The following SNAPC3 variants were observed in gnomAD, a reference collection of about 807,000 sequenced individuals.
SNAPC3 encodes the protein small nuclear RNA activating complex polypeptide 3.
SNAPC3 carries 56 observed loss-of-function variants against 47.7 expected under a neutral mutation model. The observed-to-expected ratio is 1.18, with a 90% CI of 0.95 to 1.47. The LOEUF (loss-of-function observed/expected upper bound fraction) is 1.47, where lower values mean the gene tolerates loss of function less well. SNAPC3 is among the 40% of genes most tolerant of loss of function. The pLI, the probability that SNAPC3 is intolerant of heterozygous loss-of-function variation, is 0.00. For synonymous variants in SNAPC3, 235 were observed against 189.9 expected, an observed-to-expected ratio of 1.24 and a Z score of -1.95; for missense variants, 665 against 511.3, an observed-to-expected ratio of 1.30 and a Z score of -2.90.
At chr9:15,465,891 A>C (rs917902986), downstream of SNAPC3, 5 of 261,978 alleles carry the variant, frequency 1.9e-5, no homozygotes, top group Non-Finnish European at 2.9e-5. Context: ...GAACATGAGA[A>C]TGTTTTATAT....
rs1312740255 is a variant in SNAPC3 at position 15,441,042 on chromosome 9, C to A, written c.478-3560C>A. 2.0e-5 allele frequency among the ~76,000 whole-genome samples: 3 copies of A among 151,796 alleles called. No homozygotes were observed. The East Asian group carries it at 5.8e-4, about 29-fold the overall frequency. ...CTCCATGTTTTCTGATGAGAAAACT[C>A]CTGTTAATCTTATTGAGGAATCTGA... On this transcript the variant is annotated intron_variant, in intron 3 of 8. Coordinates refer to ENST00000380821, the MANE Select transcript of SNAPC3 (RefSeq NM_001039697.2).
Position 15,451,362 on chromosome 9 carries a change from T to C in SNAPC3, c.775T>C (p.Tyr259His). The C allele has an allele frequency of 6.4e-7, 1 of 1,555,478 alleles. No individual in the cohort carries two copies. The highest frequency in any genetic ancestry group is 8.8e-7 in the Non-Finnish European group (1 of 1,136,038). ...SAFFYFEGTF[Y>H]NDKRYPECRD... ...CTTCTTTTATTTTGAAGGAACATTTTATAATGATAAAAGATACCCAGAATG... is the reference window on the plus strand; with the variant it reads ...CTTCTTTTATTTTGAAGGAACATTTCATAATGATAAAAGATACCCAGAATG... The change falls in exon 6 of 9, where the codon TAT becomes CAT. Residue 259 changes from tyrosine to histidine, a missense_variant. Tyr to His is a moderately conservative substitution (Grantham distance 83, BLOSUM62 2). Coordinates refer to ENST00000380821, the MANE Select transcript of SNAPC3 (RefSeq NM_001039697.2).
intron 2 of SNAPC3, among the ~76,000 whole-genome samples, chr9:15,425,109 TATC>T (rs2031185152): frequency 6.6e-6 from 1 of 152,348 alleles, no homozygotes; most frequent in African/African-American, 2.4e-5. Flanking sequence ...CTTCCACATA[TATC>T]CCAAATTTGC....
intron 5 of SNAPC3, 57 bp from the exon 6 acceptor site, chr9:15,451,263 G>A (rs2034363302): frequency 1.5e-6 from 1 of 685,002 alleles, no homozygotes; most frequent in Non-Finnish European, 2.5e-6. Flanking sequence ...AATACTTAGA[G>A]CAATTTCATC....
chr9:15,459,898 T>C lies in SNAPC3; in HGVS notation c.*32T>C. The C allele has an allele frequency of 1.3e-6, 2 of 1,587,228 alleles. No homozygotes were observed. Among genetic ancestry groups the C allele is most frequent in the Non-Finnish European group, 1.7e-6 (2 of 1,161,778 alleles). On this transcript the variant is annotated 3_prime_UTR_variant, in exon 9 of 9. Coordinates refer to ENST00000380821, the MANE Select transcript of SNAPC3 (RefSeq NM_001039697.2). ...CTACACTCACAAAAATACCCCCTCA[T>C]GAAATAACTGTTCTCTTGGATGGTT...
intron 2 of SNAPC3, among the ~76,000 whole-genome samples, chr9:15,425,389 T>A (rs2031232309): frequency 6.6e-6 from 1 of 152,126 alleles, no homozygotes; most frequent in Admixed American, 6.5e-5. Flanking sequence ...GCCTAACTTT[T>A]TTGCATTTTT....
At chr9:15,448,091 G>A (rs551053005) in intron 5 of SNAPC3, among the ~76,000 whole-genome samples, 20 of 152,154 alleles carry the variant, frequency 1.3e-4, no homozygotes, top group Non-Finnish European at 2.1e-4. Context: ...TCAGGGGAGG[G>A]ATAGCATCTC....
intron 7 of SNAPC3, among the ~76,000 whole-genome samples, chr9:15,455,594 C>G (rs2034719347): frequency 6.6e-6 from 1 of 152,074 alleles, no homozygotes; most frequent in South Asian, 2.1e-4. Context: ...ATAAGCTGTT[C>G]TGCCTGCTCT....
intron 5 of SNAPC3, among the ~76,000 whole-genome samples, chr9:15,449,485 A>T (rs1218550244): frequency 3.4e-5 from 5 of 147,012 alleles, no homozygotes; most frequent in African/African-American, 7.5e-5. Context: ...ATTGTATTTT[A>T]AAATGTTTAC....
At position 15,457,996 on chromosome 9, in the gene SNAPC3, G is replaced by T. The variant is rs746640657; in HGVS notation, c.1017G>T (p.Leu339Phe). 1 of 1,596,968 alleles carries T rather than the reference G, an allele frequency of 6.3e-7. No homozygotes were observed. Among genetic ancestry groups the T allele is most frequent in the South Asian group, 1.1e-5 (1 of 87,138 alleles). Residue 339 changes from leucine to phenylalanine, a missense_variant, in exon 8 of 9, where the codon TTG (leucine) becomes TTT (phenylalanine). Physicochemically the swap from Leu to Phe is conservative, Grantham distance 22. Coordinates refer to ENST00000380821, the MANE Select transcript of SNAPC3 (RefSeq NM_001039697.2). Reference protein sequence around the residue: ...VHHDDCLDRTLYPLLIKKHWL... With the variant: ...VHHDDCLDRTFYPLLIKKHWL... The stretch of plus-strand genomic sequence containing the variant: ...ATGATGACTGCTTGGATAGGACATT[G>T]TATCCCCTCCTTATCAAGAAGCATT...
Position 15,453,217 on chromosome 9 carries a change from C to A in SNAPC3, c.980+12C>A, listed in dbSNP as rs200063794. On this transcript the variant is annotated intron_variant, in intron 7 of 8. Coordinates refer to ENST00000380821, the MANE Select transcript of SNAPC3 (RefSeq NM_001039697.2). ...ATTACTGACATAAGGTAGGTGACAGCACTTAAGACATTTTGTTACCTTTTT... is the reference window on the plus strand; with the variant it reads ...ATTACTGACATAAGGTAGGTGACAGAACTTAAGACATTTTGTTACCTTTTT... The A allele has an allele frequency of 2.0e-3, 3,072 of 1,567,804 alleles. 9 individuals are homozygous for A. Among genetic ancestry groups the A allele is most frequent in the Middle Eastern group, 4.4e-3 (26 of 5,882 alleles).
At chr9:15,453,483 G>T (rs1481838240) in intron 7 of SNAPC3, 5 of 253,304 alleles carry the variant, frequency 2.0e-5, no homozygotes, top group Non-Finnish European at 3.0e-5. Flanking sequence ...TCTCTATTTT[G>T]TATTAAATAG....
chr9:15,441,649 C>T (rs535913138), intron 3 of SNAPC3, among the ~76,000 whole-genome samples: 4 of 152,004 alleles, frequency 2.6e-5, no homozygotes, highest in African/African-American at 7.2e-5. Context: ...CATCTTGCAC[C>T]GCCCTTAATC....
At chr9:15,435,728 TAAA>T (rs566806035) in intron 3 of SNAPC3, among the ~76,000 whole-genome samples, 2 of 123,606 alleles carry the variant, frequency 1.6e-5, no homozygotes, top group African/African-American at 2.9e-5. Flanking sequence ...AAACTCTGTC[TAAA>T]AAAAAAAAAA....
downstream of SNAPC3, chr9:15,465,758 G>A: frequency 1.9e-6 from 1 of 529,286 alleles, no homozygotes. Context: ...CTTCAAAACT[G>A]TTATTTTACC....
downstream of SNAPC3, chr9:15,463,441 C>T (rs1471450478): frequency 7.2e-6 from 1 of 139,422 alleles, no homozygotes; most frequent in South Asian, 2.3e-4. Flanking sequence ...CATACACACA[C>T]ATACCAGCCC....
chr9:15,429,707 GA>G (rs2031892546), intron 2 of SNAPC3, among the ~76,000 whole-genome samples: 1 of 152,108 alleles, frequency 6.6e-6, no homozygotes, highest in Admixed American at 6.6e-5. Context: ...ATTTCATAAT[GA>G]AAAACAGCTA....
At chr9:15,451,444 A>G (rs775027448) in intron 6 of SNAPC3, 42 bp downstream of exon 6, 9 of 913,292 alleles carry the variant, frequency 9.9e-6, no homozygotes, top group Non-Finnish European at 1.5e-5. Context: ...TCCTATTTCT[A>G]GTTATCAAAG....
Position 15,459,992 on chromosome 9 carries a change from A to G in SNAPC3, c.*126A>G. ...GAACAGTCCGCTAAAGCTATCAAAA[A>G]AAAGTCCAAATGACAGATTTTCTTA... On this transcript the variant is annotated 3_prime_UTR_variant, in exon 9 of 9. Coordinates refer to ENST00000380821, the MANE Select transcript of SNAPC3 (RefSeq NM_001039697.2). 1 of 703,736 alleles carries G rather than the reference A, an allele frequency of 1.4e-6. No individual in the cohort carries two copies. The highest frequency in any genetic ancestry group is 2.2e-6 in the Non-Finnish European group (1 of 457,620). The allele number at this position is 703,736 out of a possible 1,614,324, so 43.6% of individuals were successfully genotyped here.
Sources: gnomAD v4.1 joint callset for allele counts (sites outside exome capture counted in the v4.1 genomes callset) on GRCh38, gnomAD v4.1.1 for gene constraint, MANE v1.5 for transcripts, NCBI Gene and HGNC (gene_info 2026-07-23, HGNC 2026-07-21) for gene names.